MOSPD2: variants seen among roughly 807,000 people sequenced by gnomAD.
MOSPD2 encodes motile sperm domain-containing protein 2.
MOSPD2 carries 5 observed loss-of-function variants against 41.7 expected under a neutral mutation model. The ratio of observed to expected loss-of-function variants is 0.12; its 90% CI spans 0.06 to 0.25. The LOEUF (loss-of-function observed/expected upper bound fraction) is 0.25. Ranked by LOEUF, MOSPD2 falls within the 10% of genes least tolerant of loss-of-function variation. MOSPD2 has a pLI of 1.00. For missense variants in MOSPD2, 282 were observed against 375.2 expected (o/e 0.75, Z 2.05); for synonymous variants, 115 against 126.9 (o/e 0.91, Z 0.63).
intron 12 of MOSPD2, among the ~76,000 whole-genome samples, 174 bp from the exon 13 acceptor site, chrX:14,916,023 T>C (rs2092599745): frequency 2.7e-5 from 3 of 112,866 alleles, no homozygotes; most frequent in Non-Finnish European, 3.7e-5. Context: ...CCAATTGAAA[T>C]TGAATTTCAA....
chrX:14,876,586 T>C (rs1444722761), intron 2 of MOSPD2, among the ~76,000 whole-genome samples: 2 of 111,934 alleles, frequency 1.8e-5, no homozygotes, highest in Admixed American at 1.9e-4. Flanking sequence ...CCATGCTGAA[T>C]CTCAAATAAG....
Position 14,920,956 on chromosome X carries a change from T to G in MOSPD2, c.*1147T>G, listed in dbSNP as rs2092608621. The G allele has an allele frequency of 6.6e-6, 5 of 752,828 alleles. No homozygotes were observed. The highest frequency in any genetic ancestry group is 7.8e-6 in the Non-Finnish European group (5 of 639,261). 62.0% of individuals were successfully genotyped at this position (752,828 alleles called of 1,213,427 possible). A position where few individuals can be genotyped will look rare whatever the true frequency, so the allele number is the denominator to read the frequency against. On this transcript the variant is annotated 3_prime_UTR_variant, in exon 15 of 15. Transcript: ENST00000380492. ...ATGAAAAATGTAACTCATGATGATC[T>G]GTGAAACCTTCAAACTAGGACCAAT...
At chrX:14,888,762 G>GTGTGT (rs749391607) in intron 2 of MOSPD2, among the ~76,000 whole-genome samples, 44 of 105,993 alleles carry the variant, frequency 4.2e-4, no homozygotes, top group African/African-American at 1.4e-3. Context: ...ATGTCCTAGG[G>GTGTGT]GTGTGTGTGT....
chrX:14,920,903 G>A lies in MOSPD2; in HGVS notation c.*1094G>A, dbSNP rs1339883497. 11 of 753,667 alleles carry A rather than the reference G, an allele frequency of 1.5e-5. No individual in the cohort carries two copies. Among genetic ancestry groups the A allele is most frequent in the Non-Finnish European group, 1.7e-5 (11 of 639,092 alleles). 62.1% of individuals were successfully genotyped at this position (753,667 alleles called of 1,213,427 possible). A position where few individuals can be genotyped will look rare whatever the true frequency, so the allele number is the denominator to read the frequency against. ...AAAAAAAATAAAAAGAAACACAGAC[G>A]CCCAGGTGTCAGCTCTCCGTTTAAA... On this transcript the variant is annotated 3_prime_UTR_variant, in exon 15 of 15. Transcript: ENST00000380492.
chrX:14,884,567 A>G (rs2092537721), intron 2 of MOSPD2, among the ~76,000 whole-genome samples: 1 of 111,953 alleles, frequency 8.9e-6, no homozygotes, highest in Non-Finnish European at 1.9e-5. Flanking sequence ...CAGAAAACAC[A>G]GAGGAAGACA....
intron 2 of MOSPD2, among the ~76,000 whole-genome samples, chrX:14,888,208 A>G (rs1167758988): frequency 0.067 from 3,302 of 49,038 alleles, 36 homozygotes; most frequent in African/African-American, 0.082. Context: ...ACACACACGC[A>G]CACACACACA....
intron 7 of MOSPD2, among the ~76,000 whole-genome samples, chrX:14,906,472 C>T (rs2092582201): frequency 9.0e-6 from 1 of 111,447 alleles, no homozygotes; most frequent in Non-Finnish European, 1.9e-5. Context: ...AATGTAAGAG[C>T]TAAATCTCTT....
Position 14,873,698 on chromosome X carries a change from C to A in MOSPD2, c.19C>A (p.Gln7Lys). The A allele has an allele frequency of 4.1e-6, 5 of 1,210,805 alleles. No homozygotes were observed. Among genetic ancestry groups the A allele is most frequent in the Non-Finnish European group, 5.6e-6 (5 of 894,639 alleles). MAENHA[Q>K]NKAKLISETR... ...CGTGTCTCCCATCCAGAATCACGCC[C>A]AGAATAAAGCCAAGCTCATCTCTGA... is the stretch of plus-strand genomic sequence containing the variant. Residue 7 changes from glutamine (Q) to lysine (K), a missense_variant, in exon 2 of 15, where the codon CAG becomes AAG. Physicochemically the swap from Gln to Lys is moderately conservative, Grantham distance 53. Coordinates refer to ENST00000380492, the MANE Select transcript of MOSPD2 (RefSeq NM_152581.4).
intron 2 of MOSPD2, among the ~76,000 whole-genome samples, chrX:14,883,872 C>T (rs2092536448): frequency 9.0e-6 from 1 of 111,621 alleles, no homozygotes; most frequent in South Asian, 3.7e-4. Context: ...ATCAAATCCT[C>T]AGATTAAAGA....
intron 2 of MOSPD2, among the ~76,000 whole-genome samples, chrX:14,877,739 C>T (rs1450169251): frequency 2.8e-5 from 3 of 105,706 alleles, no homozygotes; most frequent in East Asian, 3.0e-4. Context: ...TTTGGGAGGC[C>T]GAGGCGGGTG....
intron 2 of MOSPD2, among the ~76,000 whole-genome samples, chrX:14,877,817 CAAA>C (rs1333210164): frequency 1.1e-5 from 1 of 87,132 alleles, no homozygotes. Flanking sequence ...GCTAAAAATA[CAAA>C]AAAAAAAAAA....
rs928698938 is a variant in MOSPD2, at chrX:14,896,942, C to T, written c.323-142C>T. 15 of 469,441 alleles carry T rather than the reference C, an allele frequency of 3.2e-5. No individual in the cohort carries two copies. In the African/African-American group the frequency reaches 3.7e-4, roughly 12 times the overall value. 38.7% of individuals were successfully genotyped at this position (469,441 alleles called of 1,213,427 possible). On this transcript the variant is annotated intron_variant, in intron 4 of 14. Transcript: ENST00000380492. ...AAGGCACCCAAGTGCAACAGTTTCT[C>T]ATTGAAAATAAGAAAGAGATGTTTT...
chrX:14,901,036 G>T (rs920482766), intron 6 of MOSPD2, among the ~76,000 whole-genome samples: 1 of 111,571 alleles, frequency 9.0e-6, no homozygotes, highest in Non-Finnish European at 1.9e-5. Context: ...AGTATTGATA[G>T]AGTACACTGT....
intron 2 of MOSPD2, among the ~76,000 whole-genome samples, chrX:14,877,521 T>C (rs1166364484): frequency 9.1e-6 from 1 of 109,328 alleles, no homozygotes; most frequent in Non-Finnish European, 1.9e-5. Flanking sequence ...TTTGTATTTT[T>C]AATAGAGATG....
chrX:14,878,052 G>A (rs765346071), intron 2 of MOSPD2, among the ~76,000 whole-genome samples: 19 of 110,625 alleles, frequency 1.7e-4, no homozygotes, highest in African/African-American at 3.9e-4. Context: ...TTATTTCTCC[G>A]TATTTATGAA....
At chrX:14,916,136 T>C in intron 12 of MOSPD2, 61 bp from the exon 13 acceptor site, 1 of 1,202,640 alleles carries the variant, frequency 8.3e-7, no homozygotes, top group South Asian at 1.8e-5. Flanking sequence ...TTAAACCACA[T>C]GCATATCCAA....
chrX:14,878,274 C>G (rs1478885077), intron 2 of MOSPD2, among the ~76,000 whole-genome samples: 1 of 111,340 alleles, frequency 9.0e-6, no homozygotes, highest in East Asian at 2.8e-4. Context: ...ATTGTTCAGG[C>G]CTTTGCTCAT....
intron 13 of MOSPD2, among the ~76,000 whole-genome samples, chrX:14,916,605 A>C (rs1254309104): frequency 1.8e-5 from 2 of 112,068 alleles, no homozygotes; most frequent in Non-Finnish European, 3.8e-5. Context: ...TACATACTAG[A>C]ATGTTTTTTG....
chrX:14,878,323 C>G (rs2092525042), intron 2 of MOSPD2, among the ~76,000 whole-genome samples: 1 of 111,948 alleles, frequency 8.9e-6, no homozygotes, highest in African/African-American at 3.3e-5. Flanking sequence ...CACCAATATT[C>G]ATTCCTGCCG....
Sources: gnomAD v4.1 joint callset for allele counts (sites outside exome capture counted in the v4.1 genomes callset) on GRCh38, gnomAD v4.1.1 for gene constraint, MANE v1.5 for transcripts, NCBI Gene and HGNC (gene_info 2026-07-23, HGNC 2026-07-21) for gene names.